The following RILPL2 variants were observed in gnomAD, a reference collection of about 807,000 sequenced individuals.
RILPL2 encodes the protein Rab interacting lysosomal protein like 2.
In RILPL2, 19 loss-of-function variants were observed where a neutral mutation model predicts 22.2. The ratio of observed to expected loss-of-function variants is 0.86; its 90% CI spans 0.60 to 1.25. RILPL2 has a LOEUF of 1.25. Among genes scored for constraint, RILPL2 ranks in the 50% most tolerant of loss-of-function variants. RILPL2 has a pLI of 0.00. For missense variants in RILPL2, 243 were observed against 263.6 expected (o/e 0.92, Z 0.54); for synonymous variants, 123 against 111.6 (o/e 1.10, Z -0.64).
chr12:123,409,550 CT>C, the RILPL2 span, among the ~76,000 whole-genome samples: 1,176 of 121,994 alleles, frequency 9.6e-3, 5 homozygotes, highest in South Asian at 0.047. Context: ...AAAGTTAATG[CT>C]TTTTTTTTTT....
intron 3 of RILPL2, among the ~76,000 whole-genome samples, chr12:123,419,674 C>A (rs754997670): frequency 7.1e-6 from 1 of 141,160 alleles, no homozygotes; most frequent in Non-Finnish European, 1.5e-5. Flanking sequence ...GGTGTGATCT[C>A]AGCTCACTGC....
chr12:123,422,511 G>T (rs1879316073), intron 3 of RILPL2, among the ~76,000 whole-genome samples: 1 of 152,160 alleles, frequency 6.6e-6, no homozygotes, highest in Non-Finnish European at 1.5e-5. Context: ...GTGAGACTTT[G>T]TCTCAAAACA....
chr12:123,432,985 T>TAAG (rs147578719), intron 1 of RILPL2, among the ~76,000 whole-genome samples: 5,613 of 151,380 alleles, frequency 0.037, 360 homozygotes, highest in African/African-American at 0.13. Flanking sequence ...TAATAATAAT[T>TAAG]AAGAAGAAGA....
At chr12:123,410,621 G>A (rs1275714289), downstream of RILPL2, 6 of 151,816 alleles carry the variant, frequency 4.0e-5, no homozygotes, top group African/African-American at 9.7e-5. Flanking sequence ...GGGCAGGTAC[G>A]TAGTCTCCTT....
chr12:123,415,939 A>G lies in RILPL2; in HGVS notation c.606-18T>C. 1 of 1,613,840 alleles carries G rather than the reference A, an allele frequency of 6.2e-7. No homozygotes were observed. The highest frequency in any genetic ancestry group is 8.5e-7 in the Non-Finnish European group (1 of 1,179,770). ...AAAAGAACCTGGTGTGGAGAGAGAGAGGGTTCAGGGTAAGCAGAAGGAACA... is the reference window on the plus strand; with the variant it reads ...AAAAGAACCTGGTGTGGAGAGAGAGGGGGTTCAGGGTAAGCAGAAGGAACA... On this transcript the variant is annotated intron_variant, in intron 3 of 3. Coordinates refer to ENST00000280571, the MANE Select transcript of RILPL2 (RefSeq NM_145058.3).
intron 1 of RILPL2, among the ~76,000 whole-genome samples, chr12:123,434,763 T>A (rs1020974738): frequency 7.5e-6 from 1 of 132,782 alleles, no homozygotes; most frequent in Non-Finnish European, 1.7e-5. Context: ...CCTATATCCA[T>A]ACCCTGATTA....
At chr12:123,411,692 A>T (rs1668787669), downstream of RILPL2, 1 of 149,940 alleles carries the variant, frequency 6.7e-6, no homozygotes, top group Non-Finnish European at 1.5e-5. Flanking sequence ...TGAATAGCTA[A>T]TTTTTGTATT....
chr12:123,417,025 G>A (rs1430438803), intron 3 of RILPL2, among the ~76,000 whole-genome samples: 1 of 152,086 alleles, frequency 6.6e-6, no homozygotes, highest in African/African-American at 2.4e-5. Context: ...TAGGCTGGGT[G>A]CAGTGGCTTA....
At chr12:123,431,098 C>T (rs1341689718) in intron 1 of RILPL2, among the ~76,000 whole-genome samples, 1 of 152,162 alleles carries the variant, frequency 6.6e-6, no homozygotes, top group Non-Finnish European at 1.5e-5. Flanking sequence ...CCTGCCTCAG[C>T]CTCTCACCAC....
intron 1 of RILPL2, among the ~76,000 whole-genome samples, chr12:123,432,331 C>T (rs1039996311): frequency 6.6e-6 from 1 of 152,138 alleles, no homozygotes; most frequent in Non-Finnish European, 1.5e-5. Flanking sequence ...CATGGGAAAC[C>T]TCATCTCTAG....
At chr12:123,410,008 G>A in the RILPL2 span, among the ~76,000 whole-genome samples, 3 of 152,052 alleles carry the variant, frequency 2.0e-5, no homozygotes, top group Admixed American at 6.6e-5. Context: ...TTACAGGCGT[G>A]AGCCACTGCA....
intron 3 of RILPL2, among the ~76,000 whole-genome samples, chr12:123,419,275 G>A (rs931641286): frequency 2.8e-4 from 41 of 148,438 alleles, no homozygotes; most frequent in Admixed American, 1.5e-3. Context: ...TGCCCGCCTC[G>A]GCCTCCCAAA....
chr12:123,418,457 A>G (rs1879179879), intron 3 of RILPL2, among the ~76,000 whole-genome samples: 1 of 152,120 alleles, frequency 6.6e-6, no homozygotes, highest in Non-Finnish European at 1.5e-5. Context: ...TCCTGTTAAT[A>G]TATTTCTTTA....
At position 123,415,906 on chromosome 12, in the gene RILPL2, C is replaced by T. The variant is rs143775343; in HGVS notation, c.621G>A (p.Ser207=). 1.8e-5 allele frequency: 29 copies of T among 1,613,840 alleles called. No individual in the cohort carries two copies. The highest frequency in any genetic ancestry group is 9.4e-5 in the African/African-American group (7 of 74,862). The change falls in exon 4 of 4, where the codon TCG becomes TCA. Residue 207 remains serine (S), a synonymous_variant. Transcript: ENST00000280571. ...TIIKKLFFFR[S]GKQT is the part of the protein sequence containing the mutation. ...GGCCTTGGATCTAGGTCTGTTTCCC[C>T]GATCGAAAAAAGAACCTGGTGTGGA...
intron 3 of RILPL2, among the ~76,000 whole-genome samples, chr12:123,417,735 G>A (rs1002084977): frequency 3.3e-5 from 5 of 152,236 alleles, no homozygotes; most frequent in South Asian, 2.1e-4. Context: ...ACAGGCATGC[G>A]CCACCACGCC....
rs1650986088 is a variant in RILPL2 at position 123,436,025 on chromosome 12, G to A, written c.339+57C>T. 3 of 1,522,880 alleles carry A rather than the reference G, an allele frequency of 2.0e-6. No individual in the cohort carries two copies. The highest frequency in any genetic ancestry group is 2.6e-6 in the Non-Finnish European group (3 of 1,133,238). 94.3% of individuals were successfully genotyped at this position (1,522,880 alleles called of 1,614,324 possible). Reference sequence around the variant, plus strand: ...AAGGAAGGCGTCTCCCTGCCAGTAGGTGCCCTCCTACGCCCCGCAGGCGCC... The same window carrying A: ...AAGGAAGGCGTCTCCCTGCCAGTAGATGCCCTCCTACGCCCCGCAGGCGCC... On this transcript the variant is annotated intron_variant, in intron 1 of 3. Coordinates refer to ENST00000280571, the MANE Select transcript of RILPL2 (RefSeq NM_145058.3). This position sits in a 1 kb window ranked among gnomAD's most constrained non-coding sequence, Gnocchi z 6.7.
intron 3 of RILPL2, among the ~76,000 whole-genome samples, chr12:123,418,756 CTTTTT>C (rs1202023726): frequency 2.1e-5 from 2 of 96,240 alleles, no homozygotes; most frequent in Non-Finnish European, 4.0e-5. Context: ...CTTTTTCTTT[CTTTTT>C]TTTTTTTTTT....
intron 2 of RILPL2, among the ~76,000 whole-genome samples, chr12:123,426,590 C>CTCTT (rs943285665): frequency 6.6e-6 from 1 of 151,904 alleles, no homozygotes; most frequent in African/African-American, 2.4e-5. Context: ...CCAATGATGA[C>CTCTT]TCTTTCTTTC....
chr12:123,435,975 AAAGAGAAAAGAG>A (rs1232576261), intron 1 of RILPL2, 95 bp downstream of exon 1: 6 of 1,417,432 alleles, frequency 4.2e-6, no homozygotes, highest in South Asian at 1.5e-5. Flanking sequence ...AAAAAAGAAA[AAAGAGAAAAGAG>A]AAGAGAAAAG....
Sources: allele counts gnomAD v4.1 joint callset (sites outside exome capture counted in the v4.1 genomes callset), GRCh38; gene constraint gnomAD v4.1.1; non-coding constraint Gnocchi (gnomAD v3.1); transcripts MANE v1.5; gene names NCBI Gene and HGNC (gene_info 2026-07-23, HGNC 2026-07-21).